NALF1: variants seen among roughly 807,000 people sequenced by gnomAD.
NALF1 encodes NALCN channel auxiliary factor 1.
NALF1 carries 3 observed loss-of-function variants against 48.4 expected under a neutral mutation model. That is an observed-to-expected ratio of 0.06 (90% CI 0.03 to 0.16). NALF1 has a LOEUF of 0.16. NALF1 is among the 10% of genes least tolerant of loss of function. The pLI, the probability that NALF1 is intolerant of heterozygous loss-of-function variation, is 1.00. For synonymous variants in NALF1, 262 were observed against 245.7 expected (o/e 1.07, Z -0.62); for missense variants, 526 against 571.5 (o/e 0.92, Z 0.81).
intron 1 of NALF1, among the ~76,000 whole-genome samples, chr13:107,528,920 C>T (rs556159567): frequency 1.3e-5 from 2 of 152,240 alleles, no homozygotes; most frequent in South Asian, 4.1e-4. Flanking sequence ...CAGAAAAGGA[C>T]ACAATTCTTT....
At chr13:107,699,155 T>C (rs1252904189) in intron 1 of NALF1, among the ~76,000 whole-genome samples, 1 of 152,180 alleles carries the variant, frequency 6.6e-6, no homozygotes, top group Non-Finnish European at 1.5e-5. Flanking sequence ...TTATGGTTAA[T>C]ATTTCATGGA....
At chr13:107,283,198 T>C (rs558596026) in intron 1 of NALF1, among the ~76,000 whole-genome samples, 4 of 152,230 alleles carry the variant, frequency 2.6e-5, no homozygotes, top group Admixed American at 2.6e-4. Context: ...CTCATATAAT[T>C]AGGCTGTATT....
At chr13:107,544,500 G>A (rs1189710258) in intron 1 of NALF1, among the ~76,000 whole-genome samples, 1 of 152,140 alleles carries the variant, frequency 6.6e-6, no homozygotes, top group African/African-American at 2.4e-5. Flanking sequence ...ATAGAAGCAT[G>A]AGCAATTTCT....
At chr13:107,558,840 G>A (rs115578466) in intron 1 of NALF1, among the ~76,000 whole-genome samples, 2,615 of 152,252 alleles carry the variant, frequency 0.017, 78 homozygotes, top group African/African-American at 0.059. Context: ...GAGGAAGAGC[G>A]AGCTCTCTTT....
At chr13:107,655,410 C>G (rs9514718) in intron 1 of NALF1, among the ~76,000 whole-genome samples, 2 of 151,862 alleles carry the variant, frequency 1.3e-5, no homozygotes, top group Non-Finnish European at 2.9e-5. Context: ...TTCCAAATAG[C>G]TGCAAAAAAT....
intron 2 of NALF1, among the ~76,000 whole-genome samples, chr13:107,195,154 G>A (rs1233478905): frequency 2.6e-5 from 4 of 152,216 alleles, no homozygotes; most frequent in African/African-American, 9.6e-5. Context: ...GTAAAAGAGT[G>A]TGGAGGTTCC....
intron 1 of NALF1, among the ~76,000 whole-genome samples, chr13:107,556,274 T>TAC (rs1463629220): frequency 2.3e-4 from 4 of 17,676 alleles, no homozygotes; most frequent in African/African-American, 4.4e-4. Flanking sequence ...TCTCTCAACA[T>TAC]ATATATATAT....
rs150088813 is a variant in NALF1 at position 107,731,865 on chromosome 13, C to A, written c.915+133817G>T. 4.2e-3 allele frequency among the ~76,000 whole-genome samples: 646 copies of A among 152,230 alleles called. 2 individuals carry two copies. Among genetic ancestry groups the A allele is most frequent in the African/African-American group, 0.015 (603 of 41,528 alleles). On this transcript the variant is annotated intron_variant, in intron 1 of 2. Transcript: ENST00000375915. ...TGGATAATCCACACATTAATTTATG[C>A]TACAGTAAATTTTAGAAATTCTTAA...
chr13:107,194,021 T>A (rs1323599915), intron 2 of NALF1, among the ~76,000 whole-genome samples: 1 of 119,064 alleles, frequency 8.4e-6, no homozygotes, highest in Non-Finnish European at 1.7e-5. Flanking sequence ...TCTATCTATC[T>A]ATCTATCTAT....
At chr13:107,571,896 T>C (rs1877996030) in intron 1 of NALF1, among the ~76,000 whole-genome samples, 1 of 152,112 alleles carries the variant, frequency 6.6e-6, no homozygotes, top group African/African-American at 2.4e-5. Context: ...AGAAGAGTAG[T>C]TTTTTCTTTA....
intron 1 of NALF1, among the ~76,000 whole-genome samples, chr13:107,363,453 T>C (rs1883100440): frequency 6.6e-6 from 1 of 152,038 alleles, no homozygotes. Flanking sequence ...AAAAAGATTA[T>C]TGGGGCATGG....
At chr13:107,264,833 C>T (rs1358829071) in intron 1 of NALF1, among the ~76,000 whole-genome samples, 1 of 152,154 alleles carries the variant, frequency 6.6e-6, no homozygotes, top group Non-Finnish European at 1.5e-5. Flanking sequence ...TGGACTTTGA[C>T]ATTGTTCATT....
intron 1 of NALF1, among the ~76,000 whole-genome samples, chr13:107,354,717 C>T (rs1360994413): frequency 1.3e-5 from 2 of 152,030 alleles, no homozygotes; most frequent in African/African-American, 4.8e-5. Context: ...TTGGAGGCTC[C>T]CAATTTGGAC....
intron 1 of NALF1, among the ~76,000 whole-genome samples, chr13:107,273,400 C>T (rs1881215533): frequency 6.6e-6 from 1 of 152,194 alleles, no homozygotes; most frequent in Non-Finnish European, 1.5e-5. Flanking sequence ...AATAGATTTG[C>T]ATGCTTTTTC....
chr13:107,526,570 G>T (rs1299973517), intron 1 of NALF1, among the ~76,000 whole-genome samples: 1 of 152,108 alleles, frequency 6.6e-6, no homozygotes, highest in Admixed American at 6.6e-5. Flanking sequence ...GACAAATAAG[G>T]TTACTGTAGA....
At chr13:107,355,531 C>G (rs1008209404) in intron 1 of NALF1, among the ~76,000 whole-genome samples, 2 of 152,068 alleles carry the variant, frequency 1.3e-5, no homozygotes, top group Admixed American at 1.3e-4. Flanking sequence ...TCCTATTGCT[C>G]GGGGAGGGAC....
At chr13:107,517,546 C>A (rs1031265607) in intron 1 of NALF1, among the ~76,000 whole-genome samples, 1 of 152,032 alleles carries the variant, frequency 6.6e-6, no homozygotes, top group African/African-American at 2.4e-5. Context: ...GCAGGAGAAT[C>A]GCTTGAACCT....
intron 1 of NALF1, among the ~76,000 whole-genome samples, chr13:107,306,012 G>C (rs1262236805): frequency 1.3e-5 from 2 of 152,178 alleles, no homozygotes; most frequent in Non-Finnish European, 2.9e-5. Context: ...GGAGTGGGTG[G>C]AGGTACAAAC....
At chr13:107,729,415 C>T (rs1257627943) in intron 1 of NALF1, among the ~76,000 whole-genome samples, 1 of 149,768 alleles carries the variant, frequency 6.7e-6, no homozygotes, top group Non-Finnish European at 1.5e-5. Flanking sequence ...TAGAGTGCCA[C>T]TGAAAAAAAA....
Sources: allele counts gnomAD v4.1 joint callset (sites outside exome capture counted in the v4.1 genomes callset), GRCh38; gene constraint gnomAD v4.1.1; transcripts MANE v1.5; gene names NCBI Gene and HGNC (gene_info 2026-07-23, HGNC 2026-07-21).